Variants in WWOX observed in about 807,000 individuals in gnomAD.
WWOX encodes WW domain containing oxidoreductase.
Under a neutral mutation model 46.2 loss-of-function variants are expected in WWOX, and 69 were observed. That is an observed-to-expected ratio of 1.49 (90% CI 1.23 to 1.82). The LOEUF (loss-of-function observed/expected upper bound fraction) is 1.82. WWOX is among the 40% of genes most tolerant of loss of function. The pLI, the probability that WWOX is intolerant of heterozygous loss-of-function variation, is 0.00. For missense variants in WWOX, 919 were observed against 542.6 expected (o/e 1.69, Z -6.89); for synonymous variants, 359 against 202.6 (o/e 1.77, Z -6.56).
At chr16:79,053,353 G>A (rs545073186) in intron 8 of WWOX, among the ~76,000 whole-genome samples, 1 of 152,240 alleles carries the variant, frequency 6.6e-6, no homozygotes, top group East Asian at 1.9e-4. Flanking sequence ...CCAGCAACGT[G>A]GCCCTGCTTC....
At chr16:78,945,483 G>C (rs191889763) in intron 8 of WWOX, among the ~76,000 whole-genome samples, 1 of 152,258 alleles carries the variant, frequency 6.6e-6, no homozygotes, top group Admixed American at 6.5e-5. Context: ...TTTGGGGTTT[G>C]TTTTGTTTTG....
At chr16:78,809,653 C>T (rs2051137333) in intron 8 of WWOX, among the ~76,000 whole-genome samples, 2 of 152,176 alleles carry the variant, frequency 1.3e-5, no homozygotes, top group Non-Finnish European at 2.9e-5. Context: ...GGGCCCCCCA[C>T]CCCTGTTTCC....
chr16:78,478,367 A>G (rs988165303), intron 8 of WWOX, among the ~76,000 whole-genome samples: 1 of 152,168 alleles, frequency 6.6e-6, no homozygotes, highest in Non-Finnish European at 1.5e-5. Flanking sequence ...AACTGAGCTC[A>G]TTTGATCTGG....
intron 5 of WWOX, among the ~76,000 whole-genome samples, chr16:78,335,173 A>G (rs1228823281): frequency 2.0e-5 from 3 of 152,140 alleles, no homozygotes; most frequent in African/African-American, 4.8e-5. Context: ...TAAGATGTGC[A>G]AGTTTGTTAC....
chr16:78,309,753 TAAG>T (rs1278167461), intron 5 of WWOX, among the ~76,000 whole-genome samples: 1 of 152,214 alleles, frequency 6.6e-6, no homozygotes, highest in African/African-American at 2.4e-5. Context: ...ATGCTGTTAA[TAAG>T]AGAAATGAAA....
At chr16:79,199,497 A>G (rs2051305456) in intron 8 of WWOX, among the ~76,000 whole-genome samples, 1 of 152,248 alleles carries the variant, frequency 6.6e-6, no homozygotes, top group African/African-American at 2.4e-5. Context: ...GCACAAAATC[A>G]AAACTGCATC....
chr16:79,143,263 T>C (rs1469745500), intron 8 of WWOX, among the ~76,000 whole-genome samples: 1 of 152,256 alleles, frequency 6.6e-6, no homozygotes, highest in African/African-American at 2.4e-5. Flanking sequence ...CTACACTCTT[T>C]TTTGGGAAGT....
At chr16:78,637,252 C>G (rs139532332) in intron 8 of WWOX, among the ~76,000 whole-genome samples, 4 of 152,074 alleles carry the variant, frequency 2.6e-5, no homozygotes, top group East Asian at 3.9e-4. Context: ...TGAACTCCCC[C>G]CAACCAACGA....
chr16:78,684,312 G>C (rs149093134), intron 8 of WWOX, among the ~76,000 whole-genome samples: 2 of 152,162 alleles, frequency 1.3e-5, no homozygotes, highest in Admixed American at 1.3e-4. Flanking sequence ...GAAGGGGAGC[G>C]GTGGCAGGTA....
At chr16:78,514,685 A>T (rs1254379790) in intron 8 of WWOX, among the ~76,000 whole-genome samples, 3 of 152,208 alleles carry the variant, frequency 2.0e-5, no homozygotes, top group Non-Finnish European at 4.4e-5. Flanking sequence ...CTGGCAATTT[A>T]TTATTAAGTG....
At chr16:78,426,954 G>T (rs1275307328) in intron 7 of WWOX, among the ~76,000 whole-genome samples, 2 of 152,162 alleles carry the variant, frequency 1.3e-5, no homozygotes, top group Non-Finnish European at 2.9e-5. Context: ...GAGCCACCAC[G>T]CCCGGCCTCT....
chr16:78,623,536 C>T (rs949599890), intron 8 of WWOX, among the ~76,000 whole-genome samples: 9 of 151,922 alleles, frequency 5.9e-5, no homozygotes, highest in African/African-American at 2.2e-4. Flanking sequence ...AAAAATCAGC[C>T]AGGCATGGTG....
At chr16:78,926,368 C>G (rs955984019) in intron 8 of WWOX, among the ~76,000 whole-genome samples, 7 of 26,610 alleles carry the variant, frequency 2.6e-4, no homozygotes, top group African/African-American at 8.9e-4. Flanking sequence ...GAGACCCTAT[C>G]TCAAAAAAAA....
chr16:79,068,181 G>T (rs7206235), intron 8 of WWOX, among the ~76,000 whole-genome samples: 4 of 152,054 alleles, frequency 2.6e-5, no homozygotes, highest in African/African-American at 9.7e-5. Context: ...AGCATTGGGT[G>T]AATGACCCTG....
At chr16:78,725,588 C>A (rs1198354069) in intron 8 of WWOX, among the ~76,000 whole-genome samples, 1 of 151,824 alleles carries the variant, frequency 6.6e-6, no homozygotes, top group Non-Finnish European at 1.5e-5. Flanking sequence ...CTCAGGCGAT[C>A]TACCCGCCTC....
intron 8 of WWOX, among the ~76,000 whole-genome samples, chr16:79,135,763 T>TA (rs968589729): frequency 1.7e-4 from 26 of 152,104 alleles, no homozygotes; most frequent in African/African-American, 5.3e-4. Flanking sequence ...ATCAGTCGTG[T>TA]AAAAAAAATC....
chr16:78,629,142 C>T (rs1033030751), intron 8 of WWOX, among the ~76,000 whole-genome samples: 4 of 152,138 alleles, frequency 2.6e-5, no homozygotes, highest in South Asian at 2.1e-4. Flanking sequence ...TCAAAGGGCA[C>T]CACTGCTCGC....
chr16:79,190,995 G>A (rs1326870736), intron 8 of WWOX, among the ~76,000 whole-genome samples: 2 of 152,176 alleles, frequency 1.3e-5, no homozygotes, highest in South Asian at 2.1e-4. Context: ...AAGGTGATGT[G>A]TGTATAATAA....
intron 8 of WWOX, among the ~76,000 whole-genome samples, chr16:78,442,311 G>A (rs2083462745): frequency 6.6e-6 from 1 of 152,062 alleles, no homozygotes; most frequent in Non-Finnish European, 1.5e-5. Context: ...CAATTTTCAA[G>A]TATATAATAC....
Sources: gnomAD v4.1 joint callset for allele counts (sites outside exome capture counted in the v4.1 genomes callset) on GRCh38, gnomAD v4.1.1 for gene constraint, MANE v1.5 for transcripts, NCBI Gene and HGNC (gene_info 2026-07-23, HGNC 2026-07-21) for gene names.